Variants in PIK3R1 observed in about 807,000 individuals in gnomAD.
PIK3R1 encodes the protein phosphoinositide-3-kinase regulatory subunit 1.
A neutral mutation model predicts 98.0 loss-of-function variants in PIK3R1; 29 were observed. The observed-to-expected ratio is 0.30, with a 90% CI of 0.22 to 0.40. The LOEUF (loss-of-function observed/expected upper bound fraction) is 0.40. PIK3R1 is among the 10% of genes least tolerant of loss of function. PIK3R1 has a pLI of 1.00. For synonymous variants in PIK3R1, 282 were observed against 311.8 expected (o/e 0.90, Z 1.01); for missense variants, 596 against 872.7 (o/e 0.68, Z 3.99).
At chr5:68,286,227 T>C (rs1365757258) in intron 7 of PIK3R1, among the ~76,000 whole-genome samples, 1 of 152,212 alleles carries the variant, frequency 6.6e-6, no homozygotes, top group African/African-American at 2.4e-5. Flanking sequence ...GAATGATACA[T>C]ATTGTTTTAA....
chr5:68,287,944 A>G (rs1386199777), intron 7 of PIK3R1, among the ~76,000 whole-genome samples: 1 of 152,152 alleles, frequency 6.6e-6, no homozygotes, highest in African/African-American at 2.4e-5. Context: ...GTTGCTCACA[A>G]GGGCTTTCCT....
At chr5:68,255,091 G>A (rs1745457962) in intron 2 of PIK3R1, among the ~76,000 whole-genome samples, 1 of 152,178 alleles carries the variant, frequency 6.6e-6, no homozygotes, top group Non-Finnish European at 1.5e-5. Flanking sequence ...TTGTCTTTGG[G>A]TTGCTCCAGG....
chr5:68,299,631 C>G lies in PIK3R1; in HGVS notation c.*2030C>G, dbSNP rs556568437. On this transcript the variant is annotated 3_prime_UTR_variant, in exon 16 of 16. Coordinates refer to ENST00000521381, the MANE Select transcript of PIK3R1 (RefSeq NM_181523.3). ...AATGAAATCTTGCAATTTCAAATTA[C>G]TCTTTCTCCATATTAGATTTACCCA... is the stretch of plus-strand genomic sequence containing the variant. The G allele has an allele frequency of 4.3e-6, 1 of 233,054 alleles. No individual in the cohort carries two copies. The highest frequency in any genetic ancestry group is 8.5e-6 in the Non-Finnish European group (1 of 117,998). The allele number at this position is 233,054 out of a possible 1,614,324, so 14.4% of individuals were successfully genotyped here.
chr5:68,273,348 C>T (rs1746439239), intron 2 of PIK3R1, 42 bp from the exon 3 acceptor site: 4 of 1,527,398 alleles, frequency 2.6e-6, no homozygotes, highest in African/African-American at 1.4e-5. Context: ...ATGCATTCAA[C>T]TATCCAAATT....
At chr5:68,230,015 G>T (rs1448778084) in intron 2 of PIK3R1, among the ~76,000 whole-genome samples, 1 of 152,238 alleles carries the variant, frequency 6.6e-6, no homozygotes, top group African/African-American at 2.4e-5. Context: ...AAAGATAAAA[G>T]ATGAAATCAA....
intron 7 of PIK3R1, chr5:68,290,734 C>T: frequency 1.2e-6 from 2 of 1,611,296 alleles, no homozygotes; most frequent in Non-Finnish European, 1.7e-6. Flanking sequence ...CACAAATGTA[C>T]AATACTGTTT....
Position 68,279,708 on chromosome 5 carries a change from C to T in PIK3R1, c.609C>T (p.Tyr203=), listed in dbSNP as rs1331105445. 6 of 1,614,006 alleles carry T rather than the reference C, an allele frequency of 3.7e-6. No homozygotes were observed. Among genetic ancestry groups the T allele is most frequent in the Non-Finnish European group, 5.1e-6 (6 of 1,180,006 alleles). Residue 203 remains tyrosine, a synonymous_variant, in exon 5 of 16, where the codon TAC becomes TAT. Transcript: ENST00000521381. ...LPNPVIPAAV[Y]SEMISLAPEV... ...ATCCTGTCATTCCAGCAGCCGTTTA[C>T]AGTGAAATGATTTCTTTAGCTCCAG...
rs1485162295 is a variant in PIK3R1, at chr5:68,297,821, CTTCT to C, written c.*223_*226del. ...CGTTCCTAAGCTGGAGTGCTTATCC[CTTCT>C]TTTTCTTTTTTTCTTTGGTTTAATT... is the stretch of plus-strand genomic sequence containing the variant. On this transcript the variant is annotated 3_prime_UTR_variant, in exon 16 of 16. Coordinates refer to ENST00000521381, the MANE Select transcript of PIK3R1 (RefSeq NM_181523.3). 1 of 385,492 alleles carries C rather than the reference CTTCT, an allele frequency of 2.6e-6. No homozygotes were observed. The highest frequency in any genetic ancestry group is 3.8e-5 in the East Asian group (1 of 26,606). 23.9% of individuals were successfully genotyped at this position (385,492 alleles called of 1,614,324 possible). A position where few individuals can be genotyped will look rare whatever the true frequency, so the allele number is the denominator to read the frequency against.
intron 2 of PIK3R1, among the ~76,000 whole-genome samples, chr5:68,239,368 A>T (rs1389857970): frequency 6.6e-6 from 1 of 152,230 alleles, no homozygotes; most frequent in African/African-American, 2.4e-5. Flanking sequence ...TACTTTAAAG[A>T]AATACAGACA....
At position 68,293,094 on chromosome 5, in the gene PIK3R1, A is replaced by T. The variant is rs1162648287; in HGVS notation, c.1020-7A>T. 6.2e-7 allele frequency: 1 copy of T among 1,606,998 alleles called. No homozygotes were observed. Among genetic ancestry groups the T allele is most frequent in the South Asian group, 1.1e-5 (1 of 90,876 alleles). On this transcript the variant is annotated splice_polypyrimidine_tract_variant and splice_region_variant and intron_variant, in intron 8 of 15. Transcript: ENST00000521381. The stretch of plus-strand genomic sequence containing the variant: ...AAGATGAGCATTGTTTTGTGTTTTC[A>T]TTTCAGGGAAGAAGTGAATGAAAAA...
chr5:68,264,977 G>A (rs948504791), intron 2 of PIK3R1, among the ~76,000 whole-genome samples: 6 of 152,276 alleles, frequency 3.9e-5, no homozygotes, highest in African/African-American at 1.2e-4. Flanking sequence ...GTGAAACTCA[G>A]GCATGTAGGC....
chr5:68,238,514 TATGAG>T (rs796441525), intron 2 of PIK3R1, among the ~76,000 whole-genome samples: 9 of 152,236 alleles, frequency 5.9e-5, no homozygotes, highest in African/African-American at 2.2e-4. Flanking sequence ...GTCAGGCGGT[TATGAG>T]ATGAAAAGAC....
chr5:68,234,253 C>T (rs1209483075), intron 2 of PIK3R1, among the ~76,000 whole-genome samples: 1 of 152,156 alleles, frequency 6.6e-6, no homozygotes, highest in Non-Finnish European at 1.5e-5. Flanking sequence ...TAATCCTTCT[C>T]TTCCCAATCA....
At chr5:68,246,944 G>A (rs1745119945) in intron 2 of PIK3R1, among the ~76,000 whole-genome samples, 1 of 152,196 alleles carries the variant, frequency 6.6e-6, no homozygotes, top group African/African-American at 2.4e-5. Context: ...GGAGAGGAAA[G>A]GCAGTCTTTC....
At chr5:68,247,565 A>G (rs757401147) in intron 2 of PIK3R1, among the ~76,000 whole-genome samples, 75 of 148,268 alleles carry the variant, frequency 5.1e-4, no homozygotes, top group Non-Finnish European at 9.3e-4. Context: ...GGTGTGAGCC[A>G]CTGCACGTGG....
chr5:68,291,714 A>C (rs1172839573), intron 7 of PIK3R1: 1 of 152,622 alleles, frequency 6.6e-6, no homozygotes, highest in Non-Finnish European at 1.5e-5. Context: ...GGCTTTTGGC[A>C]GAACAGTGCC....
At chr5:68,272,209 C>T (rs1254107404) in intron 2 of PIK3R1, among the ~76,000 whole-genome samples, 2 of 147,250 alleles carry the variant, frequency 1.4e-5, no homozygotes, top group Admixed American at 6.8e-5. Flanking sequence ...GCCATGATCA[C>T]GCCACTACAC....
chr5:68,295,393 C>A (rs555112370), intron 13 of PIK3R1, 27 bp from the exon 14 acceptor site: 4 of 1,613,440 alleles, frequency 2.5e-6, no homozygotes, highest in Non-Finnish European at 3.4e-6. Context: ...TGAGTTAATG[C>A]GTTCTCTTTT....
chr5:68,298,511 GATTTTTGTTAATATTC>G lies in PIK3R1; in HGVS notation c.*921_*936del, dbSNP rs1469173663. The G allele has an allele frequency of 4.3e-6, 1 of 232,856 alleles. No individual in the cohort carries two copies. The highest frequency in any genetic ancestry group is 1.8e-4 in the South Asian group (1 of 5,510). 14.4% of individuals were successfully genotyped at this position (232,856 alleles called of 1,614,324 possible). ...GTTGCTTGAAAATATTGTTGTCCCG[GATTTTTGTTAATATTC>G]ATTTTTGTTATCCTTTTTTAAAAGT... On this transcript the variant is annotated 3_prime_UTR_variant, in exon 16 of 16. Coordinates refer to ENST00000521381, the MANE Select transcript of PIK3R1 (RefSeq NM_181523.3).
Sources: gnomAD v4.1 joint callset for allele counts (sites outside exome capture counted in the v4.1 genomes callset) on GRCh38, gnomAD v4.1.1 for gene constraint, MANE v1.5 for transcripts, NCBI Gene and HGNC (gene_info 2026-07-23, HGNC 2026-07-21) for gene names.